UNC80: variants seen among roughly 807,000 people sequenced by gnomAD.
UNC80 encodes protein unc-80 homolog.
UNC80 carries 164 observed loss-of-function variants against 384.6 expected under a neutral mutation model. The ratio of observed to expected loss-of-function variants is 0.43; its 90% CI spans 0.38 to 0.49. UNC80 has a LOEUF of 0.49. Ranked by LOEUF, UNC80 falls within the 20% of genes least tolerant of loss-of-function variation. The pLI is 0.00. For synonymous variants in UNC80, 1,486 were observed against 1,527.8 expected, an observed-to-expected ratio of 0.97 and a Z score of 0.64; for missense variants, 3,330 against 4,143.0, an observed-to-expected ratio of 0.80 and a Z score of 5.39.
chr2:209,839,382 T>C lies in UNC80; in HGVS notation c.3202T>C (p.Ser1068Pro). The C allele has an allele frequency of 6.4e-7, 1 of 1,552,012 alleles. No individual in the cohort carries two copies. Residue 1068 changes from serine (S) to proline (P), a missense_variant, in exon 19 of 65, where the codon TCA becomes CCA. Ser to Pro is a moderately conservative substitution (Grantham distance 74). Coordinates refer to ENST00000673920, the MANE Select transcript of UNC80 (RefSeq NM_001371986.1). The surrounding 1 kb of genome is among the most constrained non-coding windows in gnomAD (Gnocchi z 4.1). ...SGTTSDRRAR[S>P]RSRRISLRKK... ...GACCACCTCTGACCGACGTGCCCGC[T>C]CACGATCCCGCAGAATTTCCCTCCG...
At chr2:209,958,379 T>G (rs184022678) in intron 49 of UNC80, among the ~76,000 whole-genome samples, 2 of 152,224 alleles carry the variant, frequency 1.3e-5, no homozygotes, top group African/African-American at 4.8e-5. Flanking sequence ...AAAAGTTCTT[T>G]TCCCAGTATG....
intron 41 of UNC80, among the ~76,000 whole-genome samples, chr2:209,937,223 A>G (rs1414077205): frequency 6.6e-6 from 1 of 152,252 alleles, no homozygotes; most frequent in East Asian, 1.9e-4. Context: ...TCATTATTAC[A>G]TGAAAAATTA....
intron 22 of UNC80, among the ~76,000 whole-genome samples, chr2:209,853,740 T>C (rs2082695614): frequency 1.3e-5 from 2 of 152,144 alleles, no homozygotes; most frequent in South Asian, 4.1e-4. Flanking sequence ...TCCAGTTGAA[T>C]TTGTAACATG....
intron 7 of UNC80, among the ~76,000 whole-genome samples, chr2:209,807,123 A>T (rs1264516681): frequency 1.3e-5 from 2 of 152,212 alleles, no homozygotes; most frequent in Admixed American, 6.5e-5. Flanking sequence ...CACATACAAT[A>T]TTTTTAAAAT....
chr2:209,872,621 C>G lies in UNC80; in HGVS notation c.3628-137C>G. On this transcript the variant is annotated intron_variant, in intron 22 of 64. Transcript: ENST00000673920. The surrounding 1 kb of genome is among the most constrained non-coding windows in gnomAD (Gnocchi z 4.1). ...ACTGTGTTGGCCATACTGACACCAC[C>G]CTGGGAAATATGGCCAATATAAATC... 1.2e-6 allele frequency: 1 copy of G among 819,302 alleles called. No individual in the cohort carries two copies. Among genetic ancestry groups the G allele is most frequent in the Non-Finnish European group, 1.9e-6 (1 of 520,254 alleles). 50.8% of individuals were successfully genotyped at this position (819,302 alleles called of 1,614,324 possible).
At chr2:209,977,165 T>G in intron 58 of UNC80, 87 bp downstream of exon 58, 1 of 1,282,800 alleles carries the variant, frequency 7.8e-7, no homozygotes, top group South Asian at 2.5e-5. Flanking sequence ...TCACCACACT[T>G]TTTGGAACTA....
chr2:209,786,213 G>C, intron 5 of UNC80, 24 bp downstream of exon 5: 3 of 1,611,056 alleles, frequency 1.9e-6, no homozygotes, highest in Non-Finnish European at 2.5e-6. Flanking sequence ...ACACTCAGTA[G>C]GACAGTATTA....
chr2:209,879,302 G>C (rs1389321104), intron 24 of UNC80, among the ~76,000 whole-genome samples: 1 of 152,062 alleles, frequency 6.6e-6, no homozygotes, highest in Non-Finnish European at 1.5e-5. Context: ...GAACTTCCAG[G>C]GGCCCTTCAG....
intron 22 of UNC80, among the ~76,000 whole-genome samples, chr2:209,859,706 T>A (rs2083210688): frequency 6.6e-6 from 1 of 152,224 alleles, no homozygotes; most frequent in African/African-American, 2.4e-5. Context: ...GTTTCCTGAC[T>A]TTTTAATAAT....
At chr2:209,773,609 G>A (rs1424942041) in intron 2 of UNC80, among the ~76,000 whole-genome samples, 1 of 152,168 alleles carries the variant, frequency 6.6e-6, no homozygotes, top group African/African-American at 2.4e-5. Flanking sequence ...AAAGGGTGGG[G>A]CGGGATCGAG....
Position 209,826,650 on chromosome 2 carries a change from G to C in UNC80, c.2478+597G>C, listed in dbSNP as rs188213264. Among the ~76,000 whole-genome samples, 3 of 152,264 alleles carry C rather than the reference G, an allele frequency of 2.0e-5. No individual in the cohort carries two copies. In the South Asian group the frequency reaches 6.2e-4, roughly 32 times the overall value. ...AACTCTGCATTTGGGCTTGCCAAAC[G>C]TAATTCTGTACTGGAAATGGTCTTC... On this transcript the variant is annotated intron_variant, in intron 14 of 64. Transcript: ENST00000673920.
In UNC80 at chr2:209,815,317, G is replaced by C. The variant is rs778162811; in HGVS notation, c.1261G>C (p.Val421Leu). The C allele has an allele frequency of 2.9e-5, 45 of 1,551,540 alleles. No individual in the cohort carries two copies. In the African/African-American group the frequency reaches 6.0e-4, roughly 21 times the overall value. The change falls in exon 9 of 65, where the codon GTT becomes CTT. Residue 421 changes from valine (V) to leucine (L), a missense_variant. By Grantham distance (32) the Val-to-Leu change is conservative. Transcript: ENST00000673920. ...KSLSSEAFSK[V>L]SLTNLRRSAV... ...TCTTAGCTCTGAGGCCTTTTCCAAG[G>C]TTTCACTGACCAATCTGCGTAGATC...
intron 47 of UNC80, among the ~76,000 whole-genome samples, chr2:209,947,758 C>T (rs1321878254): frequency 6.6e-6 from 1 of 152,002 alleles, no homozygotes; most frequent in East Asian, 1.9e-4. Flanking sequence ...GTAACATTCA[C>T]ATAAAACACT....
intron 8 of UNC80, 38 bp downstream of exon 8, chr2:209,813,879 A>G: frequency 6.5e-7 from 1 of 1,539,236 alleles, no homozygotes; most frequent in South Asian, 1.2e-5. Flanking sequence ...CAAACCAGCA[A>G]CTTTGCCATA....
intron 51 of UNC80, chr2:209,961,336 C>T (rs1238379553): frequency 1.2e-4 from 19 of 152,302 alleles, no homozygotes; most frequent in African/African-American, 4.6e-4. Context: ...CTATGTTAAA[C>T]ACTGGGGATG....
At chr2:209,873,045 T>C in intron 23 of UNC80, 75 bp downstream of exon 23, 2 of 1,357,432 alleles carry the variant, frequency 1.5e-6, no homozygotes, top group Non-Finnish European at 1.0e-6. Flanking sequence ...TGATTGTGTT[T>C]GTTTTGAAGA....
At chr2:209,901,364 A>G (rs761114205) in intron 28 of UNC80, among the ~76,000 whole-genome samples, 2 of 152,196 alleles carry the variant, frequency 1.3e-5, no homozygotes, top group African/African-American at 2.4e-5. Flanking sequence ...ATAAATGGAA[A>G]AATAAAGCCC....
At position 209,994,259 on chromosome 2, in the gene UNC80, A is replaced by C; in HGVS notation, c.9703A>C (p.Lys3235Gln). 6.5e-7 allele frequency: 1 copy of C among 1,549,448 alleles called. No homozygotes were observed. Among genetic ancestry groups the C allele is most frequent in the Non-Finnish European group, 8.7e-7 (1 of 1,145,850 alleles). ...VVADLHSVSP[K>Q]QSENFPTEEG... is the part of the protein sequence containing the mutation. ...TGCGGATCTCCACAGCGTGTCTCCC[A>C]AGCAGGTGAGGGCACTAGAGAAACA... The change falls in exon 64 of 65, where the codon AAG (lysine) becomes CAG (glutamine). Residue 3235 changes from lysine (K) to glutamine (Q), a missense_variant. Physicochemically the swap from Lys to Gln is moderately conservative, Grantham distance 53. Transcript: ENST00000673920.
intron 21 of UNC80, among the ~76,000 whole-genome samples, chr2:209,842,802 T>A (rs2081862882): frequency 6.6e-6 from 1 of 152,214 alleles, no homozygotes; most frequent in Admixed American, 6.5e-5. Context: ...CCCTGAAAGG[T>A]GGCCAGCCAC....
Sources: gnomAD v4.1 joint callset for allele counts (sites outside exome capture counted in the v4.1 genomes callset) on GRCh38, gnomAD v4.1.1 for gene constraint, Gnocchi (gnomAD v3.1) non-coding constraint, MANE v1.5 for transcripts, NCBI Gene and HGNC (gene_info 2026-07-23, HGNC 2026-07-21) for gene names.